BMP6: variants seen among roughly 807,000 people sequenced by gnomAD.
The protein encoded by BMP6 is bone morphogenetic protein 6.
BMP6 carries 17 observed loss-of-function variants against 54.1 expected under a neutral mutation model. That is an observed-to-expected ratio of 0.31 (90% CI 0.22 to 0.47). The LOEUF (loss-of-function observed/expected upper bound fraction) is 0.47. BMP6 is among the 20% of genes least tolerant of loss of function. The probability of loss-of-function intolerance (pLI) is 1.00; values close to 1 mark genes in which losing one functional copy is unlikely to be tolerated. For missense variants in BMP6, 720 were observed against 690.4 expected (o/e 1.04, Z -0.48); for synonymous variants, 328 against 291.2 (o/e 1.13, Z -1.28).
At chr6:7,806,617 A>C (rs1758351087) in intron 1 of BMP6, among the ~76,000 whole-genome samples, 1 of 152,206 alleles carries the variant, frequency 6.6e-6, no homozygotes, top group South Asian at 2.1e-4. Flanking sequence ...AAAAAAAAAC[A>C]AGTGATTTAA....
chr6:7,831,705 G>A (rs1017573968), intron 1 of BMP6, among the ~76,000 whole-genome samples: 1 of 152,108 alleles, frequency 6.6e-6, no homozygotes, highest in African/African-American at 2.4e-5. Flanking sequence ...GAGTATTCTG[G>A]GCCAATAGTG....
Position 7,737,635 on chromosome 6 carries a change from C to T in BMP6, c.664+10016C>T, listed in dbSNP as rs182034215. On this transcript the variant is annotated intron_variant, in intron 1 of 6. Coordinates refer to ENST00000283147, the MANE Select transcript of BMP6 (RefSeq NM_001718.6). Reference sequence around the variant, plus strand: ...AGAGTCCCTTTCTGTCTTGCTTTCCCTTTTTTTTTTTCTCTTCTTTTCCTC... The same window carrying T: ...AGAGTCCCTTTCTGTCTTGCTTTCCTTTTTTTTTTTTCTCTTCTTTTCCTC... Among the ~76,000 whole-genome samples, 1,447 of 147,206 alleles carry T rather than the reference C, an allele frequency of 9.8e-3. 8 individuals carry two copies. The highest frequency in any genetic ancestry group is 0.015 in the Non-Finnish European group (1,008 of 66,384).
rs1759685349 is a variant in BMP6, at chr6:7,879,891, G to A, written c.1282-100G>A. On this transcript the variant is annotated intron_variant, in intron 5 of 6. Transcript: ENST00000283147. ...CCTTCCTGCGTCTGTATCCTTGCCT[G>A]TGCAATGTGAAAAATACCTTTTCAC... 5.0e-6 allele frequency: 6 copies of A among 1,210,294 alleles called. No individual in the cohort carries two copies. The East Asian group carries it at 1.2e-4, about 24-fold the overall frequency. 75.0% of individuals were successfully genotyped at this position (1,210,294 alleles called of 1,614,324 possible).
intron 4 of BMP6, among the ~76,000 whole-genome samples, chr6:7,869,965 G>A (rs1391834677): frequency 6.6e-6 from 1 of 152,172 alleles, no homozygotes; most frequent in African/African-American, 2.4e-5. Flanking sequence ...CAGGAAGGGA[G>A]CTATGGCCCC....
intron 2 of BMP6, among the ~76,000 whole-genome samples, chr6:7,857,936 CTGCT>C (rs1463416089): frequency 1.3e-5 from 2 of 152,188 alleles, no homozygotes; most frequent in Non-Finnish European, 2.9e-5. Flanking sequence ...GCAGCATATT[CTGCT>C]TGGAAGGAGC....
At chr6:7,800,607 G>A (rs1758255060) in intron 1 of BMP6, among the ~76,000 whole-genome samples, 1 of 152,106 alleles carries the variant, frequency 6.6e-6, no homozygotes, top group Admixed American at 6.5e-5. Flanking sequence ...TTTGATTGTA[G>A]CTCTCCCCTA....
chr6:7,768,221 A>G (rs1757722243), intron 1 of BMP6, among the ~76,000 whole-genome samples: 1 of 152,106 alleles, frequency 6.6e-6, no homozygotes, highest in Admixed American at 6.5e-5. Flanking sequence ...ACTGTGAAGT[A>G]TGAAAGGATT....
At chr6:7,790,446 A>T (rs1758078909) in intron 1 of BMP6, among the ~76,000 whole-genome samples, 1 of 129,542 alleles carries the variant, frequency 7.7e-6, no homozygotes, top group African/African-American at 3.0e-5. Flanking sequence ...TGGGCCCTGG[A>T]GGTGGAGGTT....
In BMP6 at chr6:7,740,246, G is replaced by A. The variant is rs1762021677; in HGVS notation, c.664+12627G>A. On this transcript the variant is annotated intron_variant, in intron 1 of 6. Coordinates refer to ENST00000283147, the MANE Select transcript of BMP6 (RefSeq NM_001718.6). Reference sequence around the variant, plus strand: ...GCAGAGATGTCCCCCAGCTGTGAGTGCCTCCTCACGTGTTTGCCTTCTCTC... The same window carrying A: ...GCAGAGATGTCCCCCAGCTGTGAGTACCTCCTCACGTGTTTGCCTTCTCTC... 2.6e-5 allele frequency among the ~76,000 whole-genome samples: 4 copies of A among 152,126 alleles called. No individual in the cohort carries two copies. The South Asian group carries it at 8.3e-4, about 32-fold the overall frequency.
In BMP6 at chr6:7,727,516, T is replaced by C; in HGVS notation, c.561T>C (p.Leu187=). 1 of 1,596,196 alleles carries C rather than the reference T, an allele frequency of 6.3e-7. No homozygotes were observed. The highest frequency in any genetic ancestry group is 1.1e-5 in the South Asian group (1 of 90,208). Residue 187 remains leucine (L), a synonymous_variant, in exon 1 of 7, where the codon CTT becomes CTC. Transcript: ENST00000283147. ...GAAHPLNRKS[L]LAPGSGSGGA... is the part of the protein sequence containing the mutation. ...CGCACCCGCTCAACCGCAAGAGCCT[T>C]CTGGCCCCCGGATCTGGCAGCGGCG...
At chr6:7,845,728 A>G (rs1759051559) in intron 2 of BMP6, among the ~76,000 whole-genome samples, 1 of 152,158 alleles carries the variant, frequency 6.6e-6, no homozygotes, top group Non-Finnish European at 1.5e-5. Flanking sequence ...AATACAAGGC[A>G]GTGTATTTGT....
chr6:7,809,728 C>T (rs982365146), intron 1 of BMP6, among the ~76,000 whole-genome samples: 4 of 152,258 alleles, frequency 2.6e-5, no homozygotes, highest in Admixed American at 2.6e-4. Context: ...TTTTTAGGGT[C>T]GACAGCCCAA....
Position 7,773,861 on chromosome 6 carries a change from C to T in BMP6, c.664+46242C>T, listed in dbSNP as rs539026862. On this transcript the variant is annotated intron_variant, in intron 1 of 6. Coordinates refer to ENST00000283147, the MANE Select transcript of BMP6 (RefSeq NM_001718.6). ...GGGACAGGTTCTCTTCCTCATTTCT[C>T]CCTCTTCTGAGTGAGCCTATTTTCC... 7.2e-4 allele frequency among the ~76,000 whole-genome samples: 110 copies of T among 152,284 alleles called. 5 individuals carry two copies. In the South Asian group the frequency reaches 0.022, roughly 30 times the overall value.
At chr6:7,788,512 C>G (rs911527453) in intron 1 of BMP6, among the ~76,000 whole-genome samples, 7 of 152,082 alleles carry the variant, frequency 4.6e-5, no homozygotes, top group African/African-American at 1.7e-4. Context: ...ATGCCGAGAA[C>G]TAAAGAATTT....
intron 2 of BMP6, among the ~76,000 whole-genome samples, chr6:7,858,161 C>T (rs953013574): frequency 1.3e-5 from 2 of 152,212 alleles, no homozygotes; most frequent in South Asian, 2.1e-4. Context: ...TGGCTCACTG[C>T]AGCCTCCACT....
At chr6:7,834,506 AAG>A (rs1390693035) in intron 1 of BMP6, among the ~76,000 whole-genome samples, 1 of 151,102 alleles carries the variant, frequency 6.6e-6, no homozygotes, top group East Asian at 1.9e-4. Flanking sequence ...ACCAAACAAA[AAG>A]GGAGCAATTT....
chr6:7,788,344 C>G (rs1409359928), intron 1 of BMP6, among the ~76,000 whole-genome samples: 1 of 152,178 alleles, frequency 6.6e-6, no homozygotes, highest in Non-Finnish European at 1.5e-5. Flanking sequence ...GATCATACTT[C>G]AGTCTTTCCA....
intron 1 of BMP6, among the ~76,000 whole-genome samples, chr6:7,838,505 T>G (rs1250395804): frequency 3.3e-5 from 5 of 152,232 alleles, no homozygotes. Context: ...TCTCATTAGG[T>G]CCAATGCTTT....
intron 1 of BMP6, among the ~76,000 whole-genome samples, chr6:7,757,084 A>G (rs746473407): frequency 8.6e-5 from 13 of 152,034 alleles, no homozygotes; most frequent in Non-Finnish European, 1.8e-4. Context: ...CCAAACTCCA[A>G]TCTCTGTCTT....
Sources: allele counts gnomAD v4.1 joint callset (sites outside exome capture counted in the v4.1 genomes callset), GRCh38; gene constraint gnomAD v4.1.1; transcripts MANE v1.5; gene names NCBI Gene and HGNC (gene_info 2026-07-23, HGNC 2026-07-21).